Variants in TNS1 observed in about 807,000 individuals in gnomAD.
The protein encoded by TNS1 is tensin-1.
TNS1 carries 62 observed loss-of-function variants against 168.6 expected under a neutral mutation model. The observed-to-expected ratio is 0.37, with a 90% confidence interval of 0.30 to 0.45. TNS1 has a LOEUF of 0.45. TNS1 is among the 20% of genes least tolerant of loss of function. The pLI is 1.00. For synonymous variants in TNS1, 934 were observed against 933.2 expected (o/e 1.00, Z -0.02); for missense variants, 2,240 against 2,339.4 (o/e 0.96, Z 0.88).
rs1275487243 is a variant in TNS1, at chr2:217,986,725, C to T, written c.148+4217G>A. On this transcript the variant is annotated intron_variant, in intron 2 of 32. Coordinates refer to ENST00000682258, the MANE Select transcript of TNS1 (RefSeq NM_001387777.1). This position sits in a 1 kb window ranked among gnomAD's most constrained non-coding sequence, Gnocchi z 4.7. Reference sequence around the variant, plus strand: ...TCTCTACTGAGTCAGAAACGGCCCTCCACATACACACACACACACACACAC... The same window carrying T: ...TCTCTACTGAGTCAGAAACGGCCCTTCACATACACACACACACACACACAC... 1.6e-5 allele frequency: 2 copies of T among 127,152 alleles called. No homozygotes were observed. Among genetic ancestry groups the T allele is most frequent in the Non-Finnish European group, 3.2e-5 (2 of 62,774 alleles). The allele number at this position is 127,152 out of a possible 1,614,324, so 7.9% of individuals were successfully genotyped here. A position where few individuals can be genotyped will look rare whatever the true frequency, so the allele number is the denominator to read the frequency against.
At chr2:218,013,512 G>T (rs1313398604), upstream of TNS1, among the ~76,000 whole-genome samples, 1 of 152,166 alleles carries the variant, frequency 6.6e-6, no homozygotes, top group Non-Finnish European at 1.5e-5. Context: ...CCATGTGGAG[G>T]TCCAACAGTG....
intron 3 of TNS1, among the ~76,000 whole-genome samples, chr2:217,954,432 A>C (rs1957311992): frequency 6.6e-6 from 1 of 152,206 alleles, no homozygotes; most frequent in South Asian, 2.1e-4. Flanking sequence ...ATAAGCTATC[A>C]TCTATGGAGC....
intron 18 of TNS1, among the ~76,000 whole-genome samples, chr2:217,874,023 AACAC>A (rs3838561): frequency 8.1e-4 from 90 of 111,356 alleles, no homozygotes; most frequent in Non-Finnish European, 9.2e-4. Flanking sequence ...CCCCCCAACC[AACAC>A]ACACACACAC....
At chr2:217,922,278 G>A (rs1955763656) in intron 3 of TNS1, among the ~76,000 whole-genome samples, 1 of 152,224 alleles carries the variant, frequency 6.6e-6, no homozygotes, top group Non-Finnish European at 1.5e-5. Flanking sequence ...GCCAAGCACA[G>A]CACCAAACCC....
upstream of TNS1, among the ~76,000 whole-genome samples, chr2:218,014,854 AGGAGGGAAGGAAGGAC>A (rs1205643427): frequency 1.5e-5 from 2 of 132,626 alleles, no homozygotes; most frequent in Non-Finnish European, 3.2e-5. Context: ...AAAGGATTGC[AGGAGGGAAGGAAGGAC>A]GGAAGGAAGG....
chr2:217,876,705 A>C (rs908131783), intron 18 of TNS1, among the ~76,000 whole-genome samples: 2 of 152,152 alleles, frequency 1.3e-5, no homozygotes, highest in African/African-American at 2.4e-5. Flanking sequence ...AGAGATCATT[A>C]GGGTGAGCAC....
At chr2:217,816,912 C>T (rs370775104) in intron 24 of TNS1, among the ~76,000 whole-genome samples, 2 of 152,260 alleles carry the variant, frequency 1.3e-5, no homozygotes, top group East Asian at 1.9e-4. Context: ...CATCCAGGGC[C>T]ACTGTGCACA....
chr2:217,817,585 G>A, intron 24 of TNS1, 105 bp downstream of exon 24: 1 of 947,474 alleles, frequency 1.1e-6, no homozygotes, highest in Non-Finnish European at 1.6e-6. Flanking sequence ...ATTCACCCAG[G>A]GTCGTCTGCC....
At chr2:217,893,140 A>T in intron 10 of TNS1, 128 bp from the exon 11 acceptor site, 1 of 1,208,694 alleles carries the variant, frequency 8.3e-7, no homozygotes, top group Non-Finnish European at 1.2e-6. Context: ...GGGAGAACAT[A>T]AGGAGGAAGG....
At chr2:217,959,274 C>T (rs1957437418) in intron 3 of TNS1, among the ~76,000 whole-genome samples, 1 of 152,230 alleles carries the variant, frequency 6.6e-6, no homozygotes, top group Admixed American at 6.5e-5. Context: ...TTTATTGACA[C>T]AACTCACATA....
At chr2:218,029,084 C>T (rs1958871622) in intron 1 of TNS1, among the ~76,000 whole-genome samples, 1 of 152,234 alleles carries the variant, frequency 6.6e-6, no homozygotes, top group African/African-American at 2.4e-5. Flanking sequence ...GCCTCACGCC[C>T]TCCTGCCCCT....
chr2:217,945,420 G>C (rs1233788411), intron 3 of TNS1, among the ~76,000 whole-genome samples: 2 of 152,182 alleles, frequency 1.3e-5, no homozygotes. Context: ...CTCGCCCCCA[G>C]TCAGAGACAA....
intron 24 of TNS1, among the ~76,000 whole-genome samples, chr2:217,816,755 G>A (rs966823249): frequency 3.3e-5 from 5 of 152,144 alleles, no homozygotes; most frequent in Non-Finnish European, 1.5e-5. Flanking sequence ...AGATGTCCCC[G>A]GTGGGCGGCA....
intron 18 of TNS1, among the ~76,000 whole-genome samples, chr2:217,874,023 A>AACAC (rs3838561): frequency 0.031 from 3,405 of 111,484 alleles, 153 homozygotes; most frequent in African/African-American, 0.11. Context: ...CCCCCCAACC[A>AACAC]ACACACACAC....
At chr2:218,006,124 TCATCCCTC>T (rs757714966), upstream of TNS1, among the ~76,000 whole-genome samples, 124 of 152,304 alleles carry the variant, frequency 8.1e-4, no homozygotes, top group Middle Eastern at 3.4e-3. Flanking sequence ...CTCCCTCCGC[TCATCCCTC>T]CAGCCCCCTG....
At chr2:217,991,487 G>T (rs1958365243) in intron 1 of TNS1, among the ~76,000 whole-genome samples, 1 of 152,070 alleles carries the variant, frequency 6.6e-6, no homozygotes, top group South Asian at 2.1e-4. Flanking sequence ...TCGCCCCAAG[G>T]TTAATACTAT....
At chr2:218,019,324 G>A (rs570145152) in intron 1 of TNS1, among the ~76,000 whole-genome samples, 1 of 152,172 alleles carries the variant, frequency 6.6e-6, no homozygotes, top group East Asian at 1.9e-4. Flanking sequence ...ACCAAATGAC[G>A]GTGCTGACAT....
At chr2:217,899,344 G>C (rs1480503614) in intron 7 of TNS1, among the ~76,000 whole-genome samples, 1 of 152,154 alleles carries the variant, frequency 6.6e-6, no homozygotes, top group African/African-American at 2.4e-5. Context: ...TTGCAGCTGT[G>C]GGGGAGAAGT....
intron 3 of TNS1, among the ~76,000 whole-genome samples, chr2:217,949,460 A>G (rs1231141730): frequency 6.6e-6 from 1 of 152,114 alleles, no homozygotes; most frequent in Non-Finnish European, 1.5e-5. Flanking sequence ...TCCCAAACCC[A>G]TTATTTTGAG....
Sources: gnomAD v4.1 joint callset for allele counts (sites outside exome capture counted in the v4.1 genomes callset) on GRCh38, gnomAD v4.1.1 for gene constraint, Gnocchi (gnomAD v3.1) non-coding constraint, MANE v1.5 for transcripts, NCBI Gene and HGNC (gene_info 2026-07-23, HGNC 2026-07-21) for gene names.